SBF1: variants seen among roughly 807,000 people sequenced by gnomAD.
SBF1 encodes the protein myotubularin-related protein 5.
Under a neutral mutation model 215.8 loss-of-function variants are expected in SBF1, and 65 were observed. That is an observed-to-expected ratio of 0.30 (90% CI 0.25 to 0.37). The LOEUF is 0.37. Ranked by LOEUF, SBF1 falls within the 10% of genes least tolerant of loss-of-function variation. The pLI is 1.00. For missense variants in SBF1, 2,634 were observed against 2,667.8 expected (o/e 0.99, Z 0.28); for synonymous variants, 1,410 against 1,122.8 (o/e 1.26, Z -5.11).
At position 50,459,978 on chromosome 22, in the gene SBF1, G is replaced by T; in HGVS notation, c.3465C>A (p.Val1155=). 1 of 1,613,864 alleles carries T rather than the reference G, an allele frequency of 6.2e-7. No homozygotes were observed. Among genetic ancestry groups the T allele is most frequent in the South Asian group, 1.1e-5 (1 of 91,078 alleles). ...TGCGGCAGATGGCATACATGCGGTTGACCGGAGAAATGCGGAAGGGCTCAG... is the reference window on the plus strand; with the variant it reads ...TGCGGCAGATGGCATACATGCGGTTTACCGGAGAAATGCGGAAGGGCTCAG... The part of the protein sequence containing the change: ...AKSEPFRISP[V]NRMYAICRSY... Residue 1155 remains valine, a synonymous_variant, in exon 26 of 41, where the codon GTC becomes GTA. Transcript: ENST00000380817.
chr22:50,459,986 A>C lies in SBF1; in HGVS notation c.3457T>G (p.Ser1153Ala). The part of the protein sequence containing the change: ...SRAKSEPFRI[S>A]PVNRMYAICR... ...ATGGCATACATGCGGTTGACCGGAG[A>C]AATGCGGAAGGGCTCAGACTTGGCC... The change falls in exon 26 of 41, where the codon TCT (serine) becomes GCT (alanine). Residue 1153 changes from serine to alanine, a missense_variant. By Grantham distance (99) the Ser-to-Ala change is moderately conservative. Coordinates refer to ENST00000380817, the MANE Select transcript of SBF1 (RefSeq NM_002972.4). 5.6e-6 allele frequency: 9 copies of C among 1,613,842 alleles called. No individual in the cohort carries two copies. Among genetic ancestry groups the C allele is most frequent in the Non-Finnish European group, 7.6e-6 (9 of 1,179,946 alleles).
rs1490840391 is a variant in SBF1 at position 50,461,463 on chromosome 22, CA to C, written c.2839+59del. The C allele has an allele frequency of 6.6e-6, 10 of 1,525,122 alleles. No homozygotes were observed. The East Asian group carries it at 2.1e-4, about 31-fold the overall frequency. 94.5% of individuals were successfully genotyped at this position (1,525,122 alleles called of 1,614,324 possible). ...AAGGGAGAGGGAGGCAGGGAAAGCC[CA>C]TCCATCCCAAAGACCTGGGGGAGAG... is the stretch of plus-strand genomic sequence containing the variant. On this transcript the variant is annotated intron_variant, in intron 22 of 40. Coordinates refer to ENST00000380817, the MANE Select transcript of SBF1 (RefSeq NM_002972.4).
At chr22:50,462,150 C>A in intron 19 of SBF1, 31 bp from the exon 20 acceptor site, 1 of 1,609,610 alleles carries the variant, frequency 6.2e-7, no homozygotes, top group South Asian at 1.1e-5. Flanking sequence ...TGGGCATGGG[C>A]CCTGCCCACC....
intron 36 of SBF1, 103 bp downstream of exon 36, chr22:50,454,409 G>A (rs577248846): frequency 3.0e-4 from 311 of 1,024,352 alleles, no homozygotes; most frequent in Non-Finnish European, 4.1e-4. Context: ...AGGGGTAACC[G>A]GACTTACGTG....
Position 50,459,242 on chromosome 22 carries a change from C to G in SBF1, c.3826+13G>C. 6.3e-7 allele frequency: 1 copy of G among 1,590,962 alleles called. No individual in the cohort carries two copies. Among genetic ancestry groups the G allele is most frequent in the Non-Finnish European group, 8.6e-7 (1 of 1,162,716 alleles). On this transcript the variant is annotated intron_variant, in intron 28 of 40. Transcript: ENST00000380817. ...GTGCCCCTGCCCCACCGTCTGCCCA[C>G]AAGCACCCTCACCGTGACTGCCCAT...
intron 29 of SBF1, 88 bp from the exon 30 acceptor site, chr22:50,456,761 C>T: frequency 1.7e-6 from 2 of 1,208,336 alleles, no homozygotes; most frequent in Non-Finnish European, 2.3e-6. Flanking sequence ...AGGGAGGGGG[C>T]TGAGCTCCCA....
Position 50,459,535 on chromosome 22 carries a change from C to T in SBF1, c.3623G>A (p.Arg1208His), listed in dbSNP as rs772252718. 6.8e-6 allele frequency: 11 copies of T among 1,610,126 alleles called. No individual in the cohort carries two copies. Among genetic ancestry groups the T allele is most frequent in the African/African-American group, 1.3e-5 (1 of 74,906 alleles). Residue 1208 changes from arginine (R) to histidine (H), a missense_variant, in exon 27 of 41, where the codon CGC (arginine) becomes CAC (histidine). Transcript: ENST00000380817. Reference sequence around the variant, plus strand: ...ACCTTTGCCATGCAGGCCTCCAGAGCGCAGCAGCACCGCCTTGGACCGCCC... The same window carrying T: ...ACCTTTGCCATGCAGGCCTCCAGAGTGCAGCAGCACCGCCTTGGACCGCCC... ...RSGRSKAVLL[R>H]SGGLHGKGVV...
rs1195770662 is a variant in SBF1, at chr22:50,446,858, C to T, written c.*284G>A. The stretch of plus-strand genomic sequence containing the variant: ...TCTGGTTCTAGAAACTCGCCTGCAG[C>T]CGCTGGCTGGACCAGCACACGCTGA... On this transcript the variant is annotated 3_prime_UTR_variant, in exon 41 of 41. Transcript: ENST00000380817. 8.1e-6 allele frequency: 6 copies of T among 738,462 alleles called. No homozygotes were observed. The highest frequency in any genetic ancestry group is 7.5e-6 in the Non-Finnish European group (3 of 402,062). The allele number at this position is 738,462 out of a possible 1,614,324, so 45.7% of individuals were successfully genotyped here. A position where few individuals can be genotyped will look rare whatever the true frequency, so the allele number is the denominator to read the frequency against.
At chr22:50,456,042 G>A (rs1222140891) in intron 31 of SBF1, 174 bp downstream of exon 31, 4 of 700,188 alleles carry the variant, frequency 5.7e-6, no homozygotes, top group Non-Finnish European at 6.9e-6. Flanking sequence ...CCCCAGCCAG[G>A]CCCAGCCTCC....
intron 28 of SBF1, among the ~76,000 whole-genome samples, chr22:50,459,000 G>A (rs1172252162): frequency 1.3e-5 from 2 of 152,222 alleles, no homozygotes; most frequent in Non-Finnish European, 2.9e-5. Context: ...TGCAGCAGAC[G>A]CAGAGGTGGA....
rs770848747 is a variant in SBF1 at position 50,466,000 on chromosome 22, T to C, written c.972A>G (p.Pro324=). 2.4e-5 allele frequency: 38 copies of C among 1,614,018 alleles called. No homozygotes were observed. The highest frequency in any genetic ancestry group is 3.2e-5 in the Non-Finnish European group (38 of 1,180,034). Residue 324 remains proline (P), a synonymous_variant, in exon 9 of 41, where the codon CCA becomes CCG. Transcript: ENST00000380817. ...TGTGCGTCTGACTCTGCAGTGGCTC[T>C]GGCAAGGGTGGAATGTGCACACACT... is the stretch of plus-strand genomic sequence containing the variant. ...IPECVHIPPL[P]EPLQSQTHSV...
chr22:50,455,187 G>A, intron 33 of SBF1, 37 bp downstream of exon 33: 10 of 1,613,570 alleles, frequency 6.2e-6, no homozygotes, highest in African/African-American at 1.3e-5. Context: ...CGGTCAGGGT[G>A]CACAGTCCCG....
At position 50,465,750 on chromosome 22, in the gene SBF1, C is replaced by G. The variant is rs1433178335; in HGVS notation, c.1089+13G>C. On this transcript the variant is annotated intron_variant, in intron 10 of 40. Coordinates refer to ENST00000380817, the MANE Select transcript of SBF1 (RefSeq NM_002972.4). ...GCCTGGGGTCCCCATGCAGGAGCAG[C>G]AACGACCCCCACCTGCATCTTCAGG... 1.3e-5 allele frequency: 21 copies of G among 1,588,298 alleles called. No homozygotes were observed. Among genetic ancestry groups the G allele is most frequent in the Non-Finnish European group, 1.7e-5 (20 of 1,168,508 alleles).
At chr22:50,462,155 C>G (rs369933733) in intron 19 of SBF1, 36 bp from the exon 20 acceptor site, 12 of 1,608,316 alleles carry the variant, frequency 7.5e-6, no homozygotes, top group Non-Finnish European at 9.3e-6. Flanking sequence ...ATGGGCCCTG[C>G]CCACCACGGC....
In SBF1 at chr22:50,454,176, C is replaced by A. The variant is rs144636504; in HGVS notation, c.5043+336G>T. ...AGTAAAACACTGTCGTCTCTAAGGG[C>A]TGACTCCTCAACAGGTGCCTGAGCT... On this transcript the variant is annotated intron_variant, in intron 36 of 40. Transcript: ENST00000380817. Among the ~76,000 whole-genome samples the A allele has an allele frequency of 7.1e-3, 1,075 of 152,308 alleles. 11 individuals carry two copies. Among genetic ancestry groups the A allele is most frequent in the African/African-American group, 0.025 (1,021 of 41,546 alleles).
chr22:50,462,791 G>A (rs1255847163), intron 17 of SBF1, 74 bp from the exon 18 acceptor site: 5 of 1,608,848 alleles, frequency 3.1e-6, no homozygotes, highest in Non-Finnish European at 4.2e-6. Context: ...TCGGCCACCA[G>A]GAAGGGGGGC....
Position 50,463,576 on chromosome 22 carries a change from A to C in SBF1, c.1750-144T>G, listed in dbSNP as rs752367727. The C allele has an allele frequency of 3.3e-6, 3 of 908,930 alleles. No individual in the cohort carries two copies. The African/African-American group carries it at 5.0e-5, about 15-fold the overall frequency. The allele number at this position is 908,930 out of a possible 1,614,324, so 56.3% of individuals were successfully genotyped here. ...ACTCTGGGGCTTTGCCGACCAATAA[A>C]GACTAAAACCTCCAGTGGGCCCGAC... is the stretch of plus-strand genomic sequence containing the variant. On this transcript the variant is annotated intron_variant, in intron 15 of 40. Coordinates refer to ENST00000380817, the MANE Select transcript of SBF1 (RefSeq NM_002972.4).
Position 50,446,578 on chromosome 22 carries a change from G to C in SBF1, c.*564C>G, listed in dbSNP as rs574091806. The C allele has an allele frequency of 9.0e-6, 3 of 335,176 alleles. No individual in the cohort carries two copies. The highest frequency in any genetic ancestry group is 1.8e-5 in the Non-Finnish European group (3 of 169,160). The allele number at this position is 335,176 out of a possible 1,614,324, so 20.8% of individuals were successfully genotyped here. Reference sequence around the variant, plus strand: ...CCGGCCCCTAGACCAGCCCTGAGGCGTGGAGGGAATCAAGCAAGTCCCCAG... The same window carrying C: ...CCGGCCCCTAGACCAGCCCTGAGGCCTGGAGGGAATCAAGCAAGTCCCCAG... On this transcript the variant is annotated 3_prime_UTR_variant, in exon 41 of 41. Transcript: ENST00000380817.
In SBF1 at chr22:50,464,658, G is replaced by C. The variant is rs774798537; in HGVS notation, c.1512C>G (p.Pro504=). 2 of 1,608,732 alleles carry C rather than the reference G, an allele frequency of 1.2e-6. No homozygotes were observed. Among genetic ancestry groups the C allele is most frequent in the Non-Finnish European group, 1.7e-6 (2 of 1,179,766 alleles). The change falls in exon 14 of 41, where the codon CCC becomes CCG. Residue 504 remains proline, a synonymous_variant. Coordinates refer to ENST00000380817, the MANE Select transcript of SBF1 (RefSeq NM_002972.4). ...CGGTGCCCTCATCCAGCCGGGGGAAGGGTCGGGGCACCCGTCGCAGGTGGC... is the reference window on the plus strand; with the variant it reads ...CGGTGCCCTCATCCAGCCGGGGGAACGGTCGGGGCACCCGTCGCAGGTGGC... ...ESSHLRRVPR[P]FPRLDEGTVQ... is the part of the protein sequence containing the mutation.
Sources: allele counts gnomAD v4.1 joint callset (sites outside exome capture counted in the v4.1 genomes callset), GRCh38; gene constraint gnomAD v4.1.1; transcripts MANE v1.5; gene names NCBI Gene and HGNC (gene_info 2026-07-23, HGNC 2026-07-21).